The following VAMP7 variants were observed in gnomAD, a reference collection of about 807,000 sequenced individuals.
VAMP7 encodes the protein vesicle-associated membrane protein 7.
In VAMP7, 14 loss-of-function variants were observed where a neutral mutation model predicts 29.6. The ratio of observed to expected loss-of-function variants is 0.47; its 90% confidence interval spans 0.31 to 0.74. VAMP7 has a LOEUF of 0.74. Among genes scored for constraint, VAMP7 ranks in the 30% least tolerant of loss-of-function variants. The probability of loss-of-function intolerance (pLI) is 0.05; values close to 1 mark genes in which losing one functional copy is unlikely to be tolerated. For missense variants in VAMP7, 223 were observed against 262.4 expected, an observed-to-expected ratio of 0.85 and a Z score of 1.04; for synonymous variants, 95 against 88.1, an observed-to-expected ratio of 1.08 and a Z score of -0.44.
chrX:155,923,653 C>T (rs2066427109), intron 6 of VAMP7, among the ~76,000 whole-genome samples: 2 of 151,288 alleles, frequency 1.3e-5, no homozygotes, highest in Non-Finnish European at 3.0e-5. Context: ...AATATATATG[C>T]CTTGGTATAT....
chrX:155,912,081 T>A (rs2066245231), intron 5 of VAMP7, among the ~76,000 whole-genome samples: 1 of 152,144 alleles, frequency 6.6e-6, no homozygotes, highest in Non-Finnish European at 1.5e-5. Flanking sequence ...GAGGAAAGGC[T>A]TTTCGTTTTT....
intron 5 of VAMP7, among the ~76,000 whole-genome samples, chrX:155,917,063 T>G (rs1405567815): frequency 5.9e-5 from 9 of 152,206 alleles, no homozygotes; most frequent in Non-Finnish European, 1.3e-4. Context: ...TCCTTTTCAT[T>G]ATTTTTTCTC....
At chrX:155,884,504 C>A (rs2065843574) in intron 1 of VAMP7, among the ~76,000 whole-genome samples, 4 of 152,186 alleles carry the variant, frequency 2.6e-5, no homozygotes, top group African/African-American at 9.7e-5. Context: ...GTCTTTATAA[C>A]TGATTAAAAA....
intron 6 of VAMP7, among the ~76,000 whole-genome samples, chrX:155,922,814 G>A (rs187137671): frequency 1.4e-4 from 22 of 152,062 alleles, no homozygotes; most frequent in East Asian, 1.2e-3. Flanking sequence ...ATTGGGCCTC[G>A]AGTTTTCTTC....
chrX:155,891,698 T>G (rs2065927070), intron 2 of VAMP7, among the ~76,000 whole-genome samples: 1 of 152,252 alleles, frequency 6.6e-6, no homozygotes, highest in Admixed American at 6.5e-5. Flanking sequence ...TCTGCTTTCT[T>G]GGAGGAACTC....
At chrX:155,910,071 A>T (rs922264187) in intron 5 of VAMP7, among the ~76,000 whole-genome samples, 25 of 152,076 alleles carry the variant, frequency 1.6e-4, no homozygotes, top group African/African-American at 6.0e-4. Context: ...GTTTGTACCT[A>T]TTAACCATCC....
At chrX:155,904,300 C>T (rs1269139716) in intron 5 of VAMP7, among the ~76,000 whole-genome samples, 1 of 151,504 alleles carries the variant, frequency 6.6e-6, no homozygotes, top group Non-Finnish European at 1.5e-5. Context: ...CACATGTATA[C>T]ATATGTAACA....
At chrX:155,883,796 C>T (rs1442147694) in intron 1 of VAMP7, among the ~76,000 whole-genome samples, 8 of 151,166 alleles carry the variant, frequency 5.3e-5, no homozygotes, top group South Asian at 2.1e-4. Flanking sequence ...CTGCAACCTC[C>T]GCCTCCCAGG....
intron 5 of VAMP7, among the ~76,000 whole-genome samples, chrX:155,907,791 C>A (rs2066168483): frequency 6.6e-6 from 1 of 152,206 alleles, no homozygotes; most frequent in Admixed American, 6.5e-5. Context: ...CTATTGGGTA[C>A]ACCTCCCAGA....
chrX:155,913,074 G>A (rs759632749), intron 5 of VAMP7, among the ~76,000 whole-genome samples: 2 of 152,082 alleles, frequency 1.3e-5, no homozygotes, highest in African/African-American at 2.4e-5. Flanking sequence ...ATTCTTACTG[G>A]TGTGAGAGGA....
intron 6 of VAMP7, among the ~76,000 whole-genome samples, chrX:155,935,491 T>C (rs1030735461): frequency 1.3e-5 from 2 of 152,204 alleles, no homozygotes; most frequent in African/African-American, 4.8e-5. Context: ...GTTGTTCGAA[T>C]CGGCTACTGA....
At chrX:155,891,624 G>C (rs2065926350) in intron 2 of VAMP7, among the ~76,000 whole-genome samples, 1 of 152,238 alleles carries the variant, frequency 6.6e-6, no homozygotes, top group African/African-American at 2.4e-5. Context: ...TTCCAGTAAT[G>C]ATCAAATAAT....
chrX:155,883,432 T>C (rs2065827608), intron 1 of VAMP7, among the ~76,000 whole-genome samples: 1 of 152,184 alleles, frequency 6.6e-6, no homozygotes, highest in Admixed American at 6.5e-5. Flanking sequence ...GGCCAGTTAA[T>C]TTAATAATCT....
In VAMP7 at chrX:155,938,170, T is replaced by G. The variant is rs769731292; in HGVS notation, c.502-1531T>G. On this transcript the variant is annotated intron_variant, in intron 6 of 7. Transcript: ENST00000286448. Reference sequence around the variant, plus strand: ...ATCTTGTTTCCCATATTAACTTTGTTCCATTAAGGACTGTTTGTCCCCATT... The same window carrying G: ...ATCTTGTTTCCCATATTAACTTTGTGCCATTAAGGACTGTTTGTCCCCATT... Among the ~76,000 whole-genome samples the G allele has an allele frequency of 2.0e-5, 3 of 152,318 alleles. No individual in the cohort carries two copies. In the South Asian group the frequency reaches 6.2e-4, roughly 32 times the overall value.
At chrX:155,904,832 C>A (rs1399098142) in intron 5 of VAMP7, among the ~76,000 whole-genome samples, 1 of 150,538 alleles carries the variant, frequency 6.6e-6, no homozygotes, top group Non-Finnish European at 1.5e-5. Flanking sequence ...AGTTCATGGT[C>A]TGGTTATTAT....
chrX:155,919,940 G>T, intron 6 of VAMP7, 60 bp downstream of exon 6: 1 of 1,322,850 alleles, frequency 7.6e-7, no homozygotes, highest in Non-Finnish European at 1.1e-6. Context: ...ATGGATGATG[G>T]CTAACATAAT....
chrX:155,887,513 G>A (rs1296746771), intron 1 of VAMP7, among the ~76,000 whole-genome samples: 1 of 152,114 alleles, frequency 6.6e-6, no homozygotes, highest in Non-Finnish European at 1.5e-5. Flanking sequence ...GCAATATAGA[G>A]GCTGTTGGTG....
chrX:155,896,318 C>G (rs1441871725), intron 3 of VAMP7, among the ~76,000 whole-genome samples: 1 of 152,052 alleles, frequency 6.6e-6, no homozygotes, highest in Non-Finnish European at 1.5e-5. Context: ...ATCAAAACCT[C>G]TCAAAAATTG....
chrX:155,931,891 G>T (rs1448898682), intron 6 of VAMP7, among the ~76,000 whole-genome samples: 1 of 152,274 alleles, frequency 6.6e-6, no homozygotes, highest in Admixed American at 6.5e-5. Context: ...AGTATAAGGT[G>T]TAAGGAAGGG....
Sources: allele counts gnomAD v4.1 joint callset (sites outside exome capture counted in the v4.1 genomes callset), GRCh38; gene constraint gnomAD v4.1.1; transcripts MANE v1.5; gene names NCBI Gene and HGNC (gene_info 2026-07-23, HGNC 2026-07-21).